NELL2: variants seen among roughly 807,000 people sequenced by gnomAD.
The protein encoded by NELL2 is neural EGFL like 2, also known as protein kinase C-binding protein NELL2.
NELL2 carries 41 observed loss-of-function variants against 109.6 expected under a neutral mutation model. That is an observed-to-expected ratio of 0.37 (90% CI 0.29 to 0.49). NELL2 has a LOEUF of 0.49. NELL2 is among the 20% of genes least tolerant of loss of function. The probability of loss-of-function intolerance (pLI) is 0.98; values close to 1 mark genes in which losing one functional copy is unlikely to be tolerated. For synonymous variants in NELL2, 355 were observed against 344.7 expected (o/e 1.03, Z -0.33); for missense variants, 900 against 1,008.3 (o/e 0.89, Z 1.45).
intron 13 of NELL2, among the ~76,000 whole-genome samples, chr12:44,630,655 C>T (rs1179451893): frequency 6.6e-6 from 1 of 151,978 alleles, no homozygotes; most frequent in African/African-American, 2.4e-5. Context: ...GGGTCATGTC[C>T]CATCACAAGG....
chr12:44,615,319 C>T (rs568571977), intron 13 of NELL2, among the ~76,000 whole-genome samples: 1 of 152,010 alleles, frequency 6.6e-6, no homozygotes, highest in East Asian at 1.9e-4. Flanking sequence ...TTTGGAATCT[C>T]GAGGCCCTTA....
chr12:44,876,817 A>C (rs1051429689), upstream of NELL2: 2 of 1,344,052 alleles, frequency 1.5e-6, no homozygotes, highest in Non-Finnish European at 1.9e-6. Flanking sequence ...AACACGCTGC[A>C]CTGCCGAGGT....
At chr12:44,782,654 T>C (rs954029827) in intron 3 of NELL2, among the ~76,000 whole-genome samples, 1 of 151,578 alleles carries the variant, frequency 6.6e-6, no homozygotes, top group Non-Finnish European at 1.5e-5. Flanking sequence ...CAAACAGAAA[T>C]GCTATAAAAA....
chr12:44,596,055 T>C (rs1021907042), intron 15 of NELL2, among the ~76,000 whole-genome samples: 7 of 152,182 alleles, frequency 4.6e-5, no homozygotes, highest in African/African-American at 1.7e-4. Flanking sequence ...AGCAGTCACT[T>C]AAAAGGTATT....
chr12:44,822,879 C>G (rs1335048010), intron 2 of NELL2, among the ~76,000 whole-genome samples: 1 of 152,032 alleles, frequency 6.6e-6, no homozygotes, highest in Non-Finnish European at 1.5e-5. Flanking sequence ...GTAAAAATTT[C>G]TAGGGATTTA....
chr12:44,798,874 C>T (rs755718316), intron 3 of NELL2, among the ~76,000 whole-genome samples: 1 of 148,532 alleles, frequency 6.7e-6, no homozygotes, highest in Non-Finnish European at 1.5e-5. Flanking sequence ...AAAAAAACAG[C>T]TGTTTAAAAA....
chr12:44,604,414 G>A (rs1450526158), intron 15 of NELL2, among the ~76,000 whole-genome samples: 1 of 152,110 alleles, frequency 6.6e-6, no homozygotes, highest in East Asian at 1.9e-4. Context: ...CCATATGATA[G>A]TACAGAACTA....
intron 16 of NELL2, among the ~76,000 whole-genome samples, chr12:44,527,967 G>C (rs1042478955): frequency 9.2e-5 from 14 of 151,502 alleles, no homozygotes; most frequent in Admixed American, 2.6e-4. Flanking sequence ...GGTGGCGGGC[G>C]CCTGTAGTCC....
At chr12:44,866,858 A>G (rs1365683644) in intron 2 of NELL2, among the ~76,000 whole-genome samples, 6 of 152,092 alleles carry the variant, frequency 3.9e-5, no homozygotes, top group African/African-American at 1.4e-4. Context: ...ATATGCCAAC[A>G]AATTAGATAA....
At chr12:44,875,656 G>GA (rs11373833) in intron 1 of NELL2, 159 bp downstream of exon 1, 230,355 of 1,147,684 alleles carry the variant, frequency 0.2, 4,635 homozygotes, top group African/African-American at 0.3. Flanking sequence ...GGCAAGCACA[G>GA]AAAAAAAAAA....
chr12:44,898,407 G>A (rs1022171872), intron 1 of NELL2, among the ~76,000 whole-genome samples: 1 of 152,162 alleles, frequency 6.6e-6, no homozygotes, highest in Non-Finnish European at 1.5e-5. Flanking sequence ...CCAGAGGAAG[G>A]AGCAGGCAGC....
chr12:44,732,658 A>G (rs1257671672), intron 9 of NELL2, among the ~76,000 whole-genome samples: 1 of 152,044 alleles, frequency 6.6e-6, no homozygotes, highest in Non-Finnish European at 1.5e-5. Context: ...AATTTTCTGG[A>G]TATGATGCCA....
chr12:44,646,359 A>C (rs755717084), intron 13 of NELL2, among the ~76,000 whole-genome samples: 3 of 152,196 alleles, frequency 2.0e-5, no homozygotes, highest in Non-Finnish European at 4.4e-5. Flanking sequence ...TAGACAGTAC[A>C]ATAGAATAGT....
intron 3 of NELL2, among the ~76,000 whole-genome samples, chr12:44,815,450 T>C (rs992816263): frequency 6.6e-6 from 1 of 152,262 alleles, no homozygotes; most frequent in Non-Finnish European, 1.5e-5. Flanking sequence ...GGCTTTAAAA[T>C]TGAGAAATAT....
intron 13 of NELL2, among the ~76,000 whole-genome samples, chr12:44,617,800 A>G (rs1055998286): frequency 1.3e-5 from 2 of 151,722 alleles, no homozygotes; most frequent in African/African-American, 4.8e-5. Flanking sequence ...TTAGTTGCCT[A>G]TTATCTACTT....
chr12:44,801,805 T>C (rs1266199266), intron 3 of NELL2, among the ~76,000 whole-genome samples: 1 of 152,122 alleles, frequency 6.6e-6, no homozygotes, highest in Non-Finnish European at 1.5e-5. Context: ...CAAGACCTGA[T>C]ATCAGCAGAT....
At chr12:44,775,155 C>G (rs1032208457) in intron 8 of NELL2, among the ~76,000 whole-genome samples, 1 of 149,228 alleles carries the variant, frequency 6.7e-6, no homozygotes, top group African/African-American at 2.6e-5. Context: ...CCTTTGCTCC[C>G]CATTTAAAAA....
intron 13 of NELL2, among the ~76,000 whole-genome samples, chr12:44,646,986 T>A (rs78791702): frequency 8.7e-4 from 132 of 152,256 alleles, no homozygotes; most frequent in African/African-American, 3.2e-3. Context: ...AAATAAAAAA[T>A]GCATATAAAG....
chr12:44,812,576 G>A (rs2136677408), intron 3 of NELL2, among the ~76,000 whole-genome samples: 1 of 152,176 alleles, frequency 6.6e-6, no homozygotes, highest in South Asian at 2.1e-4. Flanking sequence ...GTGAAAGAAA[G>A]CAGAAAATAA....
Sources: allele counts gnomAD v4.1 joint callset (sites outside exome capture counted in the v4.1 genomes callset), GRCh38; gene constraint gnomAD v4.1.1; transcripts MANE v1.5; gene names NCBI Gene and HGNC (gene_info 2026-07-23, HGNC 2026-07-21).